The following STRA8 variants were observed in gnomAD, a reference collection of about 807,000 sequenced individuals.
STRA8 encodes the protein stimulated by retinoic acid gene 8 protein homolog.
STRA8 carries 18 observed loss-of-function variants against 37.1 expected under a neutral mutation model. The observed-to-expected ratio is 0.48, with a 90% CI of 0.34 to 0.72. The LOEUF (loss-of-function observed/expected upper bound fraction) is 0.72. STRA8 is among the 30% of genes least tolerant of loss of function. The pLI is 0.01. For missense variants in STRA8, 357 were observed against 410.4 expected, an observed-to-expected ratio of 0.87 and a Z score of 1.13; for synonymous variants, 168 against 162.9, an observed-to-expected ratio of 1.03 and a Z score of -0.24.
rs533107386 is a variant in STRA8, at chr7:135,236,700, G to A, written c.-7+2797G>A. ...TCAATGAGATACAGAGAGGTCTTTC[G>A]GGTTAGGGTGGAACTAAGATGTTAT... is the stretch of plus-strand genomic sequence containing the variant. On this transcript the variant is annotated intron_variant, in intron 1 of 8. Coordinates refer to ENST00000662584, the MANE Select transcript of STRA8 (RefSeq NM_001394401.1). Among the ~76,000 whole-genome samples, 79 of 152,184 alleles carry A rather than the reference G, an allele frequency of 5.2e-4. 2 individuals carry two copies. The highest frequency in any genetic ancestry group is 5.2e-3 in the Admixed American group (79 of 15,290).
intron 1 of STRA8, among the ~76,000 whole-genome samples, chr7:135,237,417 C>T (rs555880639): frequency 6.6e-6 from 1 of 152,310 alleles, no homozygotes; most frequent in East Asian, 1.9e-4. Context: ...TTAGCTCCCC[C>T]TTTCACAGTA....
chr7:135,237,456 G>T (rs1832394093), intron 1 of STRA8, among the ~76,000 whole-genome samples: 1 of 152,154 alleles, frequency 6.6e-6, no homozygotes, highest in African/African-American at 2.4e-5. Flanking sequence ...TAGCCAAACG[G>T]CTAATCTTGG....
chr7:135,240,570 C>G lies in STRA8; in HGVS notation c.46C>G (p.Pro16Ala). Residue 16 changes from proline (P) to alanine (A), a missense_variant, in exon 2 of 9, where the codon CCC becomes GCC. Coordinates refer to ENST00000662584, the MANE Select transcript of STRA8 (RefSeq NM_001394401.1). ...CAGCAATCCCCATGACAGAGCAACACCCCAGCTGCCAGCACAGCTGCAGGA... is the reference window on the plus strand; with the variant it reads ...CAGCAATCCCCATGACAGAGCAACAGCCCAGCTGCCAGCACAGCTGCAGGA... ...ENSNPHDRAT[P>A]QLPAQLQELE... 6.2e-7 allele frequency: 1 copy of G among 1,614,166 alleles called. No individual in the cohort carries two copies. Among genetic ancestry groups the G allele is most frequent in the South Asian group, 1.1e-5 (1 of 91,086 alleles).
chr7:135,251,693 G>C, intron 6 of STRA8, 103 bp from the exon 7 acceptor site: 1 of 1,117,836 alleles, frequency 8.9e-7, no homozygotes, highest in Non-Finnish European at 1.4e-6. Flanking sequence ...TCTGGGGTAT[G>C]TGTAAAGAGA....
chr7:135,240,745 C>T (rs759895937), intron 2 of STRA8, 29 bp downstream of exon 2: 3 of 1,610,346 alleles, frequency 1.9e-6, no homozygotes, highest in African/African-American at 1.3e-5. Context: ...GGAGAGGGGA[C>T]ATCTCCACGG....
At chr7:135,257,924 T>C (rs760357282) in intron 8 of STRA8, among the ~76,000 whole-genome samples, 4 of 152,234 alleles carry the variant, frequency 2.6e-5, no homozygotes, top group African/African-American at 4.8e-5. Context: ...TCTACAGATA[T>C]TATATATTCT....
chr7:135,241,737 T>C (rs1832467281), intron 2 of STRA8, among the ~76,000 whole-genome samples: 1 of 152,162 alleles, frequency 6.6e-6, no homozygotes, highest in Non-Finnish European at 1.5e-5. Flanking sequence ...CTTAATTCTA[T>C]ATTGTGTTAT....
chr7:135,251,882 G>T lies in STRA8; in HGVS notation c.953+13G>T. ...CATCTAGCTCCAGGTGAGGAAGAGG[G>T]TGTGAGATAGCATGTGCCCCTGTGT... On this transcript the variant is annotated intron_variant, in intron 7 of 8. Transcript: ENST00000662584. 6.2e-7 allele frequency: 1 copy of T among 1,613,640 alleles called. No homozygotes were observed. The highest frequency in any genetic ancestry group is 1.3e-5 in the African/African-American group (1 of 75,028).
At chr7:135,253,687 G>A (rs1273009674) in intron 7 of STRA8, among the ~76,000 whole-genome samples, 3 of 152,202 alleles carry the variant, frequency 2.0e-5, no homozygotes, top group African/African-American at 7.2e-5. Flanking sequence ...CCAAAGGTGT[G>A]TTTTCTGAGA....
chr7:135,257,425 C>T lies in STRA8; in HGVS notation c.1066-993C>T, dbSNP rs191407206. 1.1e-3 allele frequency among the ~76,000 whole-genome samples: 172 copies of T among 152,204 alleles called. 1 individual carries two copies. The highest frequency in any genetic ancestry group is 3.9e-3 in the African/African-American group (164 of 41,530). On this transcript the variant is annotated intron_variant, in intron 8 of 8. Transcript: ENST00000662584. ...GTGTCCCTTTAGGGACTGAGAAACC[C>T]TTGCTAAGCAAACAGTGCTGCTGCT...
intron 2 of STRA8, 39 bp from the exon 3 acceptor site, chr7:135,242,742 G>C: frequency 6.2e-7 from 1 of 1,601,870 alleles, no homozygotes; most frequent in Non-Finnish European, 8.6e-7. Context: ...TCTCTGCAGT[G>C]AGAGGCTGGC....
chr7:135,243,049 C>A (rs1832490984), intron 3 of STRA8, among the ~76,000 whole-genome samples, 193 bp downstream of exon 3: 1 of 152,186 alleles, frequency 6.6e-6, no homozygotes, highest in Non-Finnish European at 1.5e-5. Flanking sequence ...GCAAGACTGG[C>A]CAGAGTCACC....
chr7:135,257,898 A>C (rs1832723877), intron 8 of STRA8, among the ~76,000 whole-genome samples: 1 of 152,204 alleles, frequency 6.6e-6, no homozygotes, highest in Admixed American at 6.5e-5. Context: ...TTTCTTGTAC[A>C]CTCATCCAAA....
chr7:135,231,959 G>C (rs1832299477), upstream of STRA8: 3 of 1,613,806 alleles, frequency 1.9e-6, no homozygotes, highest in African/African-American at 2.7e-5. Context: ...GTTCATGGCA[G>C]AGCCTTCTGC....
At chr7:135,241,342 C>T (rs1832461496) in intron 2 of STRA8, among the ~76,000 whole-genome samples, 1 of 152,164 alleles carries the variant, frequency 6.6e-6, no homozygotes, top group South Asian at 2.1e-4. Flanking sequence ...CCCTTCACCT[C>T]CTCTTTGGCC....
At chr7:135,252,990 A>C (rs1364684140) in intron 7 of STRA8, among the ~76,000 whole-genome samples, 1 of 151,704 alleles carries the variant, frequency 6.6e-6, no homozygotes. Context: ...GCTGGAGTGC[A>C]GTGGTGTGAT....
rs771273096 is a variant in STRA8 at position 135,258,478 on chromosome 7, G to A, written c.1126G>A (p.Asp376Asn). 38 of 1,601,628 alleles carry A rather than the reference G, an allele frequency of 2.4e-5. No individual in the cohort carries two copies. Among genetic ancestry groups the A allele is most frequent in the East Asian group, 4.5e-5 (2 of 44,662 alleles). ...IMLQCTETFD[D>N]EDL Reference sequence around the variant, plus strand: ...GTTGCAGTGCACAGAGACCTTTGACGATGAAGATTTGTAATGCAGAAGAGG... The same window carrying A: ...GTTGCAGTGCACAGAGACCTTTGACAATGAAGATTTGTAATGCAGAAGAGG... Residue 376 changes from aspartate to asparagine, a missense_variant, in exon 9 of 9, where the codon GAT becomes AAT. Asp to Asn is a conservative substitution (Grantham distance 23, BLOSUM62 1). Coordinates refer to ENST00000662584, the MANE Select transcript of STRA8 (RefSeq NM_001394401.1).
chr7:135,246,406 T>G lies in STRA8; in HGVS notation c.594-11T>G, dbSNP rs1267469649. ...CTTTAGGGGTGCGAGACGGCGCCGC[T>G]TCTGTTCCAGGTATCTCAACTTTTA... On this transcript the variant is annotated splice_polypyrimidine_tract_variant and intron_variant, in intron 5 of 8. Coordinates refer to ENST00000662584, the MANE Select transcript of STRA8 (RefSeq NM_001394401.1). The surrounding 1 kb of genome is among the most constrained non-coding windows in gnomAD (Gnocchi z 5.4). 6 of 1,594,936 alleles carry G rather than the reference T, an allele frequency of 3.8e-6. No individual in the cohort carries two copies. Among genetic ancestry groups the G allele is most frequent in the Non-Finnish European group, 5.1e-6 (6 of 1,169,650 alleles).
Position 135,246,582 on chromosome 7 carries a change from C to T in STRA8, c.759C>T (p.His253=), listed in dbSNP as rs1266124089. The T allele has an allele frequency of 6.5e-7, 1 of 1,545,342 alleles. No homozygotes were observed. Among genetic ancestry groups the T allele is most frequent in the Non-Finnish European group, 8.7e-7 (1 of 1,147,164 alleles). ...TCCGGCAGGCCTGGGCGCAGAAGCACCGCGGCCCTGCGACCCTGGCGGAGG... is the reference window on the plus strand; with the variant it reads ...TCCGGCAGGCCTGGGCGCAGAAGCATCGCGGCCCTGCGACCCTGGCGGAGG... ...ASLRQAWAQK[H]RGPATLAEAC... Residue 253 remains histidine (H), a synonymous_variant, in exon 6 of 9, where the codon CAC becomes CAT. Transcript: ENST00000662584. The surrounding 1 kb of genome is among the most constrained non-coding windows in gnomAD (Gnocchi z 5.4).
Sources: allele counts gnomAD v4.1 joint callset (sites outside exome capture counted in the v4.1 genomes callset), GRCh38; gene constraint gnomAD v4.1.1; non-coding constraint Gnocchi (gnomAD v3.1); transcripts MANE v1.5; gene names NCBI Gene and HGNC (gene_info 2026-07-23, HGNC 2026-07-21).